SEMA5A: variants seen among roughly 807,000 people sequenced by gnomAD.
SEMA5A encodes semaphorin-5A.
SEMA5A carries 55 observed loss-of-function variants against 135.5 expected under a neutral mutation model. The ratio of observed to expected loss-of-function variants is 0.41; its 90% confidence interval spans 0.33 to 0.51. The LOEUF is 0.51. Ranked by LOEUF, SEMA5A falls within the 20% of genes least tolerant of loss-of-function variation. SEMA5A has a pLI of 0.37. For missense variants in SEMA5A, 1,290 were observed against 1,419.9 expected (o/e 0.91, Z 1.47); for synonymous variants, 580 against 546.5 (o/e 1.06, Z -0.85).
Position 9,401,696 on chromosome 5 carries a change from C to T in SEMA5A, c.-77-21673G>A, listed in dbSNP as rs542422776. On this transcript the variant is annotated intron_variant, in intron 2 of 22. Coordinates refer to ENST00000382496, the MANE Select transcript of SEMA5A (RefSeq NM_003966.3). Reference sequence around the variant, plus strand: ...ATAAATTAATGCCTTGACCACTAGGCAAGACTCTCATCCTATGGGGATTTT... The same window carrying T: ...ATAAATTAATGCCTTGACCACTAGGTAAGACTCTCATCCTATGGGGATTTT... Among the ~76,000 whole-genome samples, 5 of 152,288 alleles carry T rather than the reference C, an allele frequency of 3.3e-5. No homozygotes were observed. The South Asian group carries it at 8.3e-4, about 25-fold the overall frequency.
chr5:9,170,950 A>T (rs1743886684), intron 11 of SEMA5A, among the ~76,000 whole-genome samples: 1 of 152,096 alleles, frequency 6.6e-6, no homozygotes, highest in Non-Finnish European at 1.5e-5. Context: ...CCTCGCCCCC[A>T]GACCTACATA....
intron 12 of SEMA5A, among the ~76,000 whole-genome samples, chr5:9,139,433 C>G (rs1410280949): frequency 6.6e-6 from 1 of 152,202 alleles, no homozygotes; most frequent in Non-Finnish European, 1.5e-5. Context: ...AAGGGTGAGT[C>G]TTTCAGAAAG....
chr5:9,434,427 T>A (rs1757961618), intron 2 of SEMA5A, among the ~76,000 whole-genome samples: 1 of 152,278 alleles, frequency 6.6e-6, no homozygotes, highest in East Asian at 1.9e-4. Flanking sequence ...TAATGCACTT[T>A]AAAAATTTTT....
At chr5:9,434,885 C>T (rs1344615950) in intron 2 of SEMA5A, among the ~76,000 whole-genome samples, 1 of 152,084 alleles carries the variant, frequency 6.6e-6, no homozygotes, top group Non-Finnish European at 1.5e-5. Flanking sequence ...TAAGAATGAA[C>T]GAATGAATGA....
At chr5:9,532,130 C>G (rs1363695020) in intron 1 of SEMA5A, among the ~76,000 whole-genome samples, 1 of 152,188 alleles carries the variant, frequency 6.6e-6, no homozygotes, top group African/African-American at 2.4e-5. Flanking sequence ...TCAAATCTAT[C>G]CTATCTGCCA....
At chr5:9,216,797 G>T (rs1746654720) in intron 8 of SEMA5A, among the ~76,000 whole-genome samples, 2 of 152,066 alleles carry the variant, frequency 1.3e-5, no homozygotes, top group African/African-American at 4.8e-5. Context: ...AATTAAAATG[G>T]CAAACCCTGC....
intron 16 of SEMA5A, among the ~76,000 whole-genome samples, chr5:9,083,623 CATCCATCCATCT>C (rs1212875239): frequency 2.2e-5 from 3 of 137,972 alleles, no homozygotes; most frequent in African/African-American, 7.9e-5. Context: ...TCCATCCATC[CATCCATCCATCT>C]TTCAGTTATC....
intron 1 of SEMA5A, among the ~76,000 whole-genome samples, chr5:9,488,242 T>C (rs1734826135): frequency 6.6e-6 from 1 of 152,166 alleles, no homozygotes; most frequent in Non-Finnish European, 1.5e-5. Context: ...TTACTGGCTC[T>C]TTCCTCCTTC....
chr5:9,338,035 C>T (rs1056326874), intron 3 of SEMA5A, among the ~76,000 whole-genome samples: 3 of 152,062 alleles, frequency 2.0e-5, no homozygotes, highest in South Asian at 2.1e-4. Flanking sequence ...AAAGAGCAAG[C>T]GAGGCATCAA....
chr5:9,132,057 A>G (rs1480532383), intron 13 of SEMA5A, among the ~76,000 whole-genome samples: 1 of 152,238 alleles, frequency 6.6e-6, no homozygotes, highest in African/African-American at 2.4e-5. Context: ...CAAATCTCTT[A>G]AACTGAGAGT....
At chr5:9,357,849 A>G (rs1421155773) in intron 3 of SEMA5A, among the ~76,000 whole-genome samples, 1 of 152,224 alleles carries the variant, frequency 6.6e-6, no homozygotes, top group Non-Finnish European at 1.5e-5. Flanking sequence ...GCTCCACGTC[A>G]TGTCGTACAG....
chr5:9,274,677 G>A lies in SEMA5A; in HGVS notation c.271-36787C>T, dbSNP rs527609904. 9.2e-5 allele frequency among the ~76,000 whole-genome samples: 14 copies of A among 152,112 alleles called. No individual in the cohort carries two copies. The East Asian group carries it at 9.7e-4, about 11-fold the overall frequency. On this transcript the variant is annotated intron_variant, in intron 5 of 22. Transcript: ENST00000382496. Reference sequence around the variant, plus strand: ...AAATTAGAACTCAGGATTAAGAAACGCACTCAAAACCACACAACTACATGG... The same window carrying A: ...AAATTAGAACTCAGGATTAAGAAACACACTCAAAACCACACAACTACATGG...
rs189051127 is a variant in SEMA5A, at chr5:9,121,645, C to T, written c.1781+1011G>A. On this transcript the variant is annotated intron_variant, in intron 14 of 22. Coordinates refer to ENST00000382496, the MANE Select transcript of SEMA5A (RefSeq NM_003966.3). ...GGAAATCATTTCATTTAATAGAAAG[C>T]ATACAGTACATAATGCAATGTTGAT... Among the ~76,000 whole-genome samples, 22 of 152,242 alleles carry T rather than the reference C, an allele frequency of 1.4e-4. No individual in the cohort carries two copies. The East Asian group carries it at 4.2e-3, about 29-fold the overall frequency.
chr5:9,346,680 G>A (rs1466169329), intron 3 of SEMA5A, among the ~76,000 whole-genome samples: 1 of 152,164 alleles, frequency 6.6e-6, no homozygotes, highest in Non-Finnish European at 1.5e-5. Flanking sequence ...ACTCACCCCT[G>A]CTAGTGCCAA....
At chr5:9,398,367 T>C (rs993686131) in intron 2 of SEMA5A, among the ~76,000 whole-genome samples, 8 of 152,214 alleles carry the variant, frequency 5.3e-5, no homozygotes, top group Non-Finnish European at 1.5e-5. Context: ...TCTTCATTTA[T>C]CTTGAGAGTT....
chr5:9,351,621 T>C (rs1918777), intron 3 of SEMA5A, among the ~76,000 whole-genome samples: 1 of 152,014 alleles, frequency 6.6e-6, no homozygotes, highest in African/African-American at 2.4e-5. Flanking sequence ...ATTAACACTG[T>C]TATTCAATGA....
intron 12 of SEMA5A, among the ~76,000 whole-genome samples, chr5:9,145,764 G>A (rs369299896): frequency 1.0e-4 from 15 of 147,828 alleles, no homozygotes; most frequent in East Asian, 8.0e-4. Flanking sequence ...TCAGCCTCCC[G>A]AGTAGCTGAG....
chr5:9,334,410 C>T (rs957888851), intron 4 of SEMA5A, among the ~76,000 whole-genome samples: 5 of 152,194 alleles, frequency 3.3e-5, no homozygotes, highest in Non-Finnish European at 7.3e-5. Flanking sequence ...AGCCTAATCC[C>T]ATGAAATTTC....
intron 13 of SEMA5A, among the ~76,000 whole-genome samples, chr5:9,123,214 G>A (rs1336800690): frequency 3.6e-4 from 44 of 122,770 alleles, no homozygotes; most frequent in African/African-American, 1.2e-3. Flanking sequence ...AGCCGAGATC[G>A]CACCACTGCA....
Sources: allele counts gnomAD v4.1 joint callset (sites outside exome capture counted in the v4.1 genomes callset), GRCh38; gene constraint gnomAD v4.1.1; transcripts MANE v1.5; gene names NCBI Gene and HGNC (gene_info 2026-07-23, HGNC 2026-07-21).